The following TTC28 variants were observed in gnomAD, a reference collection of about 807,000 sequenced individuals.
TTC28 encodes tetratricopeptide repeat domain 28.
TTC28 carries 61 observed loss-of-function variants against 198.0 expected under a neutral mutation model. The observed-to-expected ratio is 0.31, with a 90% CI of 0.25 to 0.38. The LOEUF is 0.38. Among genes scored for constraint, TTC28 ranks in the 10% least tolerant of loss-of-function variants. TTC28 has a pLI of 1.00. For missense variants in TTC28, 2,678 were observed against 3,164.0 expected (o/e 0.85, Z 3.69); for synonymous variants, 1,171 against 1,297.8 (o/e 0.90, Z 2.10).
intron 5 of TTC28, among the ~76,000 whole-genome samples, chr22:28,168,111 C>A (rs1029655018): frequency 4.6e-5 from 7 of 152,152 alleles, no homozygotes; most frequent in African/African-American, 1.7e-4. Context: ...ATTCAACTTA[C>A]AAGGGATGTG....
At chr22:28,040,222 C>T (rs957156388) in intron 12 of TTC28, among the ~76,000 whole-genome samples, 3 of 152,176 alleles carry the variant, frequency 2.0e-5, no homozygotes, top group Admixed American at 1.3e-4. Flanking sequence ...AGGGAATCCT[C>T]CCTAACTCAT....
At chr22:28,398,986 C>T (rs1211155304) in intron 2 of TTC28, among the ~76,000 whole-genome samples, 1 of 149,314 alleles carries the variant, frequency 6.7e-6, no homozygotes, top group Non-Finnish European at 1.5e-5. Flanking sequence ...CTACAGAAAT[C>T]AAAACAGTTG....
chr22:28,503,374 G>T (rs935046809), intron 2 of TTC28, among the ~76,000 whole-genome samples: 5 of 152,082 alleles, frequency 3.3e-5, no homozygotes, highest in African/African-American at 1.2e-4. Context: ...CTCCCTCTTA[G>T]GATATATGTA....
intron 14 of TTC28, among the ~76,000 whole-genome samples, chr22:28,012,521 G>GT (rs766430402): frequency 2.9e-4 from 44 of 152,036 alleles, no homozygotes; most frequent in Non-Finnish European, 5.3e-4. Flanking sequence ...GCACCTGTAT[G>GT]TTTTTTTTGA....
chr22:28,258,748 C>T (rs572262257), intron 5 of TTC28, among the ~76,000 whole-genome samples: 1 of 152,006 alleles, frequency 6.6e-6, no homozygotes, highest in African/African-American at 2.4e-5. Context: ...TTTAGAACAA[C>T]AGTGAGGAAG....
At chr22:28,069,968 A>ACACAC (rs1601585457) in intron 12 of TTC28, among the ~76,000 whole-genome samples, 2 of 147,652 alleles carry the variant, frequency 1.4e-5, no homozygotes, top group African/African-American at 2.5e-5. Context: ...ACACACACAC[A>ACACAC]AATGCCCCTT....
Position 28,537,303 on chromosome 22 carries a change from T to TACTAAAACAAAACAAAAC in TTC28, c.381+92248_381+92249insGTTTTGTTTTGTTTTAGT, listed in dbSNP as rs779564628. Among the ~76,000 whole-genome samples the TACTAAAACAAAACAAAAC allele has an allele frequency of 2.7e-4, 33 of 120,716 alleles. 3 individuals are homozygous for TACTAAAACAAAACAAAAC. The highest frequency in any genetic ancestry group is 5.6e-4 in the Admixed American group (7 of 12,398). The allele number at this position is 120,716 out of a possible 152,430, so 79.2% of individuals were successfully genotyped here. A position where few individuals can be genotyped will look rare whatever the true frequency, so the allele number is the denominator to read the frequency against. On this transcript the variant is annotated intron_variant, in intron 2 of 22. Coordinates refer to ENST00000397906, the MANE Select transcript of TTC28 (RefSeq NM_001145418.2). ...GCCAGACTCCGTCTCAAAAATAAAA[T>TACTAAAACAAAACAAAAC]AAAATAAAATAAAATAAAATAAAAT...
chr22:28,118,127 G>A (rs1312393149), intron 6 of TTC28, among the ~76,000 whole-genome samples: 1 of 152,074 alleles, frequency 6.6e-6, no homozygotes, highest in Non-Finnish European at 1.5e-5. Context: ...GGCCAGGAGC[G>A]GTGGCTCACA....
intron 2 of TTC28, among the ~76,000 whole-genome samples, chr22:28,590,395 C>CT (rs2050406597): frequency 6.6e-6 from 1 of 152,040 alleles, no homozygotes; most frequent in Non-Finnish European, 1.5e-5. Context: ...TCCTAAAGTG[C>CT]TGGGATTACA....
intron 5 of TTC28, among the ~76,000 whole-genome samples, chr22:28,175,023 TAAA>T (rs760749501): frequency 2.2e-5 from 3 of 138,090 alleles, no homozygotes; most frequent in African/African-American, 2.6e-5. Flanking sequence ...GGTAGTCTCT[TAAA>T]AAAAAAAAAA....
intron 13 of TTC28, among the ~76,000 whole-genome samples, chr22:28,015,419 T>TAAA (rs138678): frequency 8.4e-4 from 92 of 109,678 alleles, no homozygotes; most frequent in African/African-American, 1.4e-3. Flanking sequence ...GAGATAGCTT[T>TAAA]AAAAAAAAAA....
chr22:28,349,294 A>C (rs920232937), intron 2 of TTC28, among the ~76,000 whole-genome samples: 3 of 152,240 alleles, frequency 2.0e-5, no homozygotes, highest in Non-Finnish European at 4.4e-5. Context: ...GTAATTACAT[A>C]GAAACAGATG....
At chr22:28,025,816 G>T (rs1357360197) in intron 13 of TTC28, among the ~76,000 whole-genome samples, 1 of 152,198 alleles carries the variant, frequency 6.6e-6, no homozygotes, top group East Asian at 1.9e-4. Flanking sequence ...GCTGCAGTTA[G>T]TTATGACGGC....
At chr22:28,021,728 T>G (rs984592728) in intron 13 of TTC28, among the ~76,000 whole-genome samples, 1 of 152,202 alleles carries the variant, frequency 6.6e-6, no homozygotes, top group South Asian at 2.1e-4. Context: ...GCCTCTTCCC[T>G]GTGTCCCGCC....
At chr22:28,197,634 C>G (rs1002733098) in intron 5 of TTC28, among the ~76,000 whole-genome samples, 1 of 151,842 alleles carries the variant, frequency 6.6e-6, no homozygotes, top group African/African-American at 2.4e-5. Context: ...GTCAAAAACA[C>G]GAAAATATTG....
intron 2 of TTC28, among the ~76,000 whole-genome samples, chr22:28,514,899 C>T (rs117588752): frequency 6.6e-6 from 1 of 152,276 alleles, no homozygotes; most frequent in Non-Finnish European, 1.5e-5. Flanking sequence ...CCATATATAC[C>T]ATACCCTCCC....
intron 2 of TTC28, among the ~76,000 whole-genome samples, chr22:28,430,664 C>G (rs1601388784): frequency 2.0e-5 from 3 of 152,064 alleles, no homozygotes; most frequent in South Asian, 4.1e-4. Context: ...TTATAAAAAT[C>G]CTTGCAGAGC....
intron 2 of TTC28, among the ~76,000 whole-genome samples, chr22:28,395,897 T>C (rs1022424329): frequency 2.6e-5 from 4 of 152,228 alleles, no homozygotes; most frequent in Admixed American, 1.3e-4. Flanking sequence ...AAGGCATTTA[T>C]AAATTTCATA....
intron 14 of TTC28, among the ~76,000 whole-genome samples, chr22:28,010,465 G>A (rs890755066): frequency 3.9e-5 from 6 of 152,158 alleles, no homozygotes; most frequent in South Asian, 2.1e-4. Flanking sequence ...GACCTGTGGC[G>A]CTGGGGAAGC....
Sources: allele counts gnomAD v4.1 joint callset (sites outside exome capture counted in the v4.1 genomes callset), GRCh38; gene constraint gnomAD v4.1.1; transcripts MANE v1.5; gene names NCBI Gene and HGNC (gene_info 2026-07-23, HGNC 2026-07-21).